Variants in CAPS2 observed in about 807,000 individuals in gnomAD.
CAPS2 encodes the protein calcyphosin-2.
Under a neutral mutation model 86.5 loss-of-function variants are expected in CAPS2, and 98 were observed. The observed-to-expected ratio is 1.13, with a 90% confidence interval of 0.96 to 1.34. The LOEUF is 1.34. Ranked by LOEUF, CAPS2 falls within the 40% of genes most tolerant of loss-of-function variation. CAPS2 has a pLI of 0.00. For synonymous variants in CAPS2, 210 were observed against 225.1 expected (o/e 0.93, Z 0.60); for missense variants, 729 against 686.8 (o/e 1.06, Z -0.69).
chr12:75,296,879 G>A (rs1390876750), intron 11 of CAPS2, among the ~76,000 whole-genome samples: 2 of 152,184 alleles, frequency 1.3e-5, no homozygotes, highest in Non-Finnish European at 2.9e-5. Context: ...TTTACTATGG[G>A]AAATATTCAA....
At chr12:75,377,087 A>G (rs2044691012) in intron 1 of CAPS2, among the ~76,000 whole-genome samples, 1 of 152,216 alleles carries the variant, frequency 6.6e-6, no homozygotes, top group Non-Finnish European at 1.5e-5. Context: ...AGGAGTATCA[A>G]TGCATTTATT....
intron 4 of CAPS2, 27 bp from the exon 5 acceptor site, chr12:75,321,603 T>G: frequency 2.7e-6 from 4 of 1,479,726 alleles, no homozygotes; most frequent in South Asian, 1.2e-5. Context: ...AAAAGCATGC[T>G]ATCAGAAAAA....
At chr12:75,276,043 T>G, downstream of CAPS2, 1 of 631,404 alleles carries the variant, frequency 1.6e-6, no homozygotes, top group South Asian at 3.0e-5. Flanking sequence ...CAGAAGTTTA[T>G]AGAACTTTAA....
At chr12:75,334,744 A>G, upstream of CAPS2, 1 of 1,613,970 alleles carries the variant, frequency 6.2e-7, no homozygotes, top group Non-Finnish European at 8.5e-7. Context: ...TCTGAAGAAT[A>G]AATTCAGTTG....
In CAPS2 at chr12:75,289,753, A is replaced by G. The variant is rs146549801; in HGVS notation, c.1263T>C (p.His421=). 3.8e-5 allele frequency: 61 copies of G among 1,612,086 alleles called. No individual in the cohort carries two copies. In the African/African-American group the frequency reaches 7.6e-4, roughly 20 times the overall value. The change falls in exon 14 of 17, where the codon CAT becomes CAC. Residue 421 remains histidine (H), a synonymous_variant. Transcript: ENST00000393284. ...CAGTCAAAATACGAACACCTCTTTT[A>G]TGTAGTTTTTCTTTTAGCACATCTG...
At chr12:75,278,852 A>C in exon 17 of CAPS2, 1 of 1,422,552 alleles carries the variant, frequency 7.0e-7, no homozygotes, top group Non-Finnish European at 9.2e-7. Context: ...TCTCTCCAAT[A>C]AAATGCTTAG....
intron 7 of CAPS2, chr12:75,305,588 C>A (rs1316324529): frequency 8.0e-6 from 5 of 626,120 alleles, no homozygotes; most frequent in Non-Finnish European, 3.0e-6. Context: ...CCTCCAGACC[C>A]GACCACTGCC....
chr12:75,276,299 A>G (rs1204454640), downstream of CAPS2: 5 of 1,525,746 alleles, frequency 3.3e-6, no homozygotes, highest in Non-Finnish European at 4.4e-6. Context: ...TGCAAGCACT[A>G]CAAACTATAA....
chr12:75,340,899 G>C (rs1003252556), intron 1 of CAPS2, among the ~76,000 whole-genome samples: 4 of 151,700 alleles, frequency 2.6e-5, no homozygotes, highest in Non-Finnish European at 4.4e-5. Flanking sequence ...CACCAATTAG[G>C]AAAGCAAAAA....
chr12:75,385,278 G>T (rs1175815041), intron 1 of CAPS2, among the ~76,000 whole-genome samples: 1 of 152,008 alleles, frequency 6.6e-6, no homozygotes, highest in Non-Finnish European at 1.5e-5. Flanking sequence ...TAAGACATAG[G>T]TATACAAGCC....
At chr12:75,366,881 G>T in intron 1 of CAPS2, 1 of 701,460 alleles carries the variant, frequency 1.4e-6, no homozygotes, top group Non-Finnish European at 2.6e-6. Context: ...TAATTTTGTT[G>T]AGGGTTCCCT....
intron 1 of CAPS2, among the ~76,000 whole-genome samples, chr12:75,337,012 G>C (rs999820633): frequency 2.6e-5 from 4 of 151,654 alleles, no homozygotes. Flanking sequence ...TGGTCCATAA[G>C]TTAAAGAATA....
chr12:75,311,801 C>T (rs12581394), intron 7 of CAPS2, among the ~76,000 whole-genome samples: 47,282 of 143,602 alleles, frequency 0.33, 8,328 homozygotes, highest in East Asian at 0.46. Flanking sequence ...GTCAAGTAAA[C>T]GAGAACTGAG....
At chr12:75,305,699 C>T (rs2038386222) in intron 7 of CAPS2, 14 of 664,402 alleles carry the variant, frequency 2.1e-5, no homozygotes, top group Non-Finnish European at 4.0e-5. Context: ...ACAGCTGCTG[C>T]AGAAGGCGCA....
chr12:75,310,369 T>C (rs1369041348), intron 7 of CAPS2, among the ~76,000 whole-genome samples: 1 of 152,182 alleles, frequency 6.6e-6, no homozygotes, highest in Non-Finnish European at 1.5e-5. Flanking sequence ...TAAGTAAAGA[T>C]ATGAGCTAAA....
chr12:75,316,435 C>A lies in CAPS2; in HGVS notation c.469-1G>T. ...TGTTGGCTTCTTCATCTTGCACACA[C>A]TATGCATGAAAGAAATAAATGAAGC... On this transcript the variant is annotated splice_acceptor_variant, in intron 5 of 16. Transcript: ENST00000393284. LOFTEE classifies it high-confidence loss of function. 6.5e-7 allele frequency: 1 copy of A among 1,537,454 alleles called. No homozygotes were observed. The highest frequency in any genetic ancestry group is 8.8e-7 in the Non-Finnish European group (1 of 1,141,606).
intron 1 of CAPS2, among the ~76,000 whole-genome samples, chr12:75,385,936 A>C (rs1463279634): frequency 6.6e-6 from 1 of 152,216 alleles, no homozygotes; most frequent in African/African-American, 2.4e-5. Context: ...AGTATGATAA[A>C]ATAAATCAAA....
In CAPS2 at chr12:75,298,837, A is replaced by G. The variant is rs753956471; in HGVS notation, c.950+34T>C. On this transcript the variant is annotated intron_variant, in intron 10 of 16. Coordinates refer to ENST00000393284, the Ensembl canonical transcript of CAPS2. ...TATTTAGCTTCTCTCGGAAGTGAAC[A>G]TCTCCAGAGTTCTAACAATGTTTAA... is the stretch of plus-strand genomic sequence containing the variant. The G allele has an allele frequency of 4.4e-6, 7 of 1,588,832 alleles. No homozygotes were observed. In the Admixed American group the frequency reaches 6.7e-5, roughly 15 times the overall value.
intron 7 of CAPS2, among the ~76,000 whole-genome samples, chr12:75,308,839 C>T (rs2038812761): frequency 7.1e-6 from 1 of 140,696 alleles, no homozygotes; most frequent in African/African-American, 2.7e-5. Flanking sequence ...GAGTAAGGCG[C>T]TTGCAGTGAG....
Sources: gnomAD v4.1 joint callset for allele counts (sites outside exome capture counted in the v4.1 genomes callset) on GRCh38, gnomAD v4.1.1 for gene constraint, MANE v1.5 for transcripts, NCBI Gene and HGNC (gene_info 2026-07-23, HGNC 2026-07-21) for gene names.